DDX11: variants seen among roughly 807,000 people sequenced by gnomAD.
The protein encoded by DDX11 is ATP-dependent DNA helicase DDX11.
DDX11 carries 72 observed loss-of-function variants against 125.2 expected under a neutral mutation model. The observed-to-expected ratio is 0.58, with a 90% CI of 0.48 to 0.70. The LOEUF is 0.70. Among genes scored for constraint, DDX11 ranks in the 30% least tolerant of loss-of-function variants. The pLI, the probability that DDX11 is intolerant of heterozygous loss-of-function variation, is 0.00. For synonymous variants in DDX11, 347 were observed against 452.6 expected (o/e 0.77, Z 2.96); for missense variants, 883 against 1,165.0 (o/e 0.76, Z 3.52).
intron 24 of DDX11, 93 bp from the exon 25 acceptor site, chr12:31,103,224 C>T: frequency 1.3e-6 from 2 of 1,552,224 alleles, no homozygotes; most frequent in Non-Finnish European, 8.7e-7. Flanking sequence ...GCCACGAAGC[C>T]TCCTGGTCTG....
intron 14 of DDX11, among the ~76,000 whole-genome samples, chr12:31,095,366 T>C (rs561842001): frequency 1.3e-5 from 2 of 152,322 alleles, no homozygotes; most frequent in South Asian, 4.1e-4. Context: ...TGAGCTAGGA[T>C]ATCCTTTTGC....
chr12:31,084,576 C>G lies in DDX11; in HGVS notation c.394-7C>G, dbSNP rs368186988. 1.9e-6 allele frequency: 3 copies of G among 1,591,954 alleles called. No individual in the cohort carries two copies. ...TGGTGATTTTCCTTCATGTCTGCCTCCTGTAGGCGGAGCAGGCCAGGAGGA... is the reference window on the plus strand; with the variant it reads ...TGGTGATTTTCCTTCATGTCTGCCTGCTGTAGGCGGAGCAGGCCAGGAGGA... On this transcript the variant is annotated splice_polypyrimidine_tract_variant and splice_region_variant and intron_variant, in intron 3 of 26. Coordinates refer to ENST00000542838, the MANE Select transcript of DDX11 (RefSeq NM_030653.4).
chr12:31,091,376 G>A (rs56224121), intron 9 of DDX11: 40,510 of 231,414 alleles, frequency 0.18, 4,069 homozygotes, highest in East Asian at 0.35. Context: ...AGAAGCTGGG[G>A]CCGCTTCCTG....
chr12:31,080,275 C>A (rs929068771), intron 2 of DDX11, among the ~76,000 whole-genome samples: 34 of 151,536 alleles, frequency 2.2e-4, no homozygotes, highest in African/African-American at 8.0e-4. Context: ...GCCGGTCTTC[C>A]GGGAGGTGGT....
At chr12:31,100,291 A>G (rs2911821) in intron 18 of DDX11, 10 of 235,372 alleles carry the variant, frequency 4.2e-5, no homozygotes, top group East Asian at 1.1e-4. Flanking sequence ...TGCCAGTCTA[A>G]CAGGTGAAAG....
At chr12:31,084,814 G>A (rs1244647445) in intron 4 of DDX11, 145 bp downstream of exon 4, 14 of 995,324 alleles carry the variant, frequency 1.4e-5, no homozygotes, top group Admixed American at 6.0e-5. Flanking sequence ...GGCTGTGAGT[G>A]GTTGAGGCGT....
chr12:31,104,238 C>A lies in DDX11; in HGVS notation c.*402C>A, dbSNP rs2141072626. On this transcript the variant is annotated 3_prime_UTR_variant, in exon 27 of 27. Coordinates refer to ENST00000542838, the MANE Select transcript of DDX11 (RefSeq NM_030653.4). ...TGGAGCAGGCCCATCTGCCTCTGCC[C>A]TTTCTAGCCAAGGTTATAGCTGCCC... The A allele has an allele frequency of 4.0e-6, 3 of 751,636 alleles. No individual in the cohort carries two copies. Among genetic ancestry groups the A allele is most frequent in the East Asian group, 5.7e-5 (2 of 35,380 alleles). 46.6% of individuals were successfully genotyped at this position (751,636 alleles called of 1,614,324 possible). A position where few individuals can be genotyped will look rare whatever the true frequency, so the allele number is the denominator to read the frequency against.
At chr12:31,086,210 C>A (rs1055068779) in intron 5 of DDX11, 6 of 441,520 alleles carry the variant, frequency 1.4e-5, no homozygotes, top group South Asian at 9.7e-5. Context: ...AGGCCTGGCT[C>A]AGGTGTCGTC....
chr12:31,075,177 GT>G (rs1195026037), intron 1 of DDX11, among the ~76,000 whole-genome samples: 1 of 152,094 alleles, frequency 6.6e-6, no homozygotes, highest in African/African-American at 2.4e-5. Flanking sequence ...CACTGCAAAT[GT>G]TTTTAATAGG....
At chr12:31,087,097 C>T (rs1592657787) in intron 5 of DDX11, among the ~76,000 whole-genome samples, 2 of 150,114 alleles carry the variant, frequency 1.3e-5, no homozygotes. Context: ...GTAGAGCTAG[C>T]TCAGCTTCAG....
chr12:31,077,769 G>A (rs529455874), intron 1 of DDX11, among the ~76,000 whole-genome samples: 3 of 151,978 alleles, frequency 2.0e-5, no homozygotes, highest in South Asian at 4.2e-4. Context: ...GTGTGAACCC[G>A]GGAGGCGGAG....
At chr12:31,098,665 C>A (rs1321030080) in intron 18 of DDX11, among the ~76,000 whole-genome samples, 1 of 152,254 alleles carries the variant, frequency 6.6e-6, no homozygotes, top group Non-Finnish European at 1.5e-5. Context: ...GGACAAAAAG[C>A]TGCTGGGAAT....
chr12:31,085,201 A>G, intron 5 of DDX11, 75 bp downstream of exon 5: 1 of 1,512,044 alleles, frequency 6.6e-7, no homozygotes, highest in Non-Finnish European at 9.0e-7. Flanking sequence ...CCCTCATGCC[A>G]CAGATGCCAT....
intron 2 of DDX11, among the ~76,000 whole-genome samples, chr12:31,083,328 A>AC (rs1489837806): frequency 1.4e-5 from 2 of 147,112 alleles, no homozygotes; most frequent in African/African-American, 2.5e-5. Flanking sequence ...AAAAAAAACA[A>AC]AACAAAACAC....
intron 2 of DDX11, among the ~76,000 whole-genome samples, chr12:31,079,627 G>GTC (rs1941451011): frequency 7.3e-6 from 1 of 137,100 alleles, no homozygotes; most frequent in Admixed American, 7.2e-5. Flanking sequence ...ATCTGTAGTA[G>GTC]AGTCACATGG....
intron 18 of DDX11, among the ~76,000 whole-genome samples, chr12:31,098,642 C>T (rs1177061895): frequency 6.6e-6 from 1 of 152,242 alleles, no homozygotes; most frequent in Non-Finnish European, 1.5e-5. Context: ...TCCTACCTAG[C>T]GAAGGGCCTC....
chr12:31,089,128 C>G lies in DDX11; in HGVS notation c.769C>G (p.Leu257Val). 2 of 1,613,960 alleles carry G rather than the reference C, an allele frequency of 1.2e-6. No individual in the cohort carries two copies. The highest frequency in any genetic ancestry group is 2.2e-5 in the South Asian group (2 of 91,070). Residue 257 changes from leucine to valine, a missense_variant, in exon 7 of 27, where the codon CTG (leucine) becomes GTG (valine). Leu to Val is a conservative substitution (Grantham distance 32). Around this residue, in one of 5 missense-constraint regions of DDX11, gnomAD observed 283 missense variants for 359.6 expected, o/e 0.79. Coordinates refer to ENST00000542838, the MANE Select transcript of DDX11 (RefSeq NM_030653.4). ...GAGCCCCTTTGGCAAGGATGTTCGG[C>G]TGGTCTCCCTTGGCTCCCGGCAGGT... is the stretch of plus-strand genomic sequence containing the variant. ...KKSPFGKDVR[L>V]VSLGSRQNLC...
intron 17 of DDX11, 93 bp downstream of exon 17, chr12:31,097,083 C>G: frequency 6.5e-7 from 1 of 1,540,928 alleles, no homozygotes; most frequent in Middle Eastern, 2.0e-4. Context: ...TCCTTCCATC[C>G]TGGGAACTTC....
chr12:31,097,573 G>T (rs1442768010), intron 17 of DDX11, among the ~76,000 whole-genome samples: 1 of 148,460 alleles, frequency 6.7e-6, no homozygotes, highest in Non-Finnish European at 1.5e-5. Context: ...CCAGCTACTC[G>T]GGAGGCTGAG....
Sources: gnomAD v4.1 joint callset for allele counts (sites outside exome capture counted in the v4.1 genomes callset) on GRCh38, gnomAD v4.1.1 for gene constraint, gnomAD v4.1.1 regional missense constraint, MANE v1.5 for transcripts, NCBI Gene and HGNC (gene_info 2026-07-23, HGNC 2026-07-21) for gene names.